WDFY4: variants seen among roughly 807,000 people sequenced by gnomAD.
The protein encoded by WDFY4 is WDFY family member 4.
A neutral mutation model predicts 351.9 loss-of-function variants in WDFY4; 169 were observed. The ratio of observed to expected loss-of-function variants is 0.48; its 90% CI spans 0.42 to 0.55. WDFY4 has a LOEUF of 0.55. Among genes scored for constraint, WDFY4 ranks in the 20% least tolerant of loss-of-function variants. The pLI, the probability that WDFY4 is intolerant of heterozygous loss-of-function variation, is 0.00. For missense variants in WDFY4, 3,803 were observed against 3,935.6 expected (o/e 0.97, Z 0.90); for synonymous variants, 1,622 against 1,574.6 (o/e 1.03, Z -0.71).
chr10:48,857,846 G>A (rs1260638181), intron 39 of WDFY4, among the ~76,000 whole-genome samples: 2 of 151,890 alleles, frequency 1.3e-5, no homozygotes, highest in African/African-American at 4.8e-5. Context: ...AGGCTGGAGT[G>A]CAACGGTGCA....
intron 19 of WDFY4, among the ~76,000 whole-genome samples, chr10:48,781,490 T>C (rs947736595): frequency 4.6e-5 from 7 of 152,040 alleles, no homozygotes; most frequent in Non-Finnish European, 1.0e-4. Context: ...GAGACGGGGT[T>C]TCACCAGGCT....
rs566333746 is a variant in WDFY4 at position 48,901,449 on chromosome 10, A to G, written c.7524-352A>G. On this transcript the variant is annotated intron_variant, in intron 46 of 61. Transcript: ENST00000325239. ...ACCCACTCGGCTCAAGGAGCCTGGC[A>G]TTAAGATGGCATTTGTCCTCACAGC... Among the ~76,000 whole-genome samples, 159 of 152,388 alleles carry G rather than the reference A, an allele frequency of 1.0e-3. 1 individual carries two copies. Among genetic ancestry groups the G allele is most frequent in the Non-Finnish European group, 1.8e-3 (120 of 68,038 alleles).
At chr10:48,880,288 G>T (rs919622804) in intron 43 of WDFY4, among the ~76,000 whole-genome samples, 1 of 152,210 alleles carries the variant, frequency 6.6e-6, no homozygotes, top group African/African-American at 2.4e-5. Context: ...GTCTCTGAGA[G>T]TCTTGTTTTT....
chr10:48,927,725 A>G (rs906048134), intron 47 of WDFY4, among the ~76,000 whole-genome samples: 2 of 152,232 alleles, frequency 1.3e-5, no homozygotes, highest in African/African-American at 4.8e-5. Context: ...GCGGATAATA[A>G]GAATTCAACT....
rs181932178 is a variant in WDFY4, at chr10:48,694,565, T to C, written c.-18+9564T>C. 1.5e-3 allele frequency among the ~76,000 whole-genome samples: 231 copies of C among 152,256 alleles called. 1 individual carries two copies. The highest frequency in any genetic ancestry group is 5.2e-3 in the African/African-American group (217 of 41,552). Reference sequence around the variant, plus strand: ...GGCAGAATTACCAGTGACAGGCAGCTGCCAGCTGCTCCTGTCACTCTCTGC... The same window carrying C: ...GGCAGAATTACCAGTGACAGGCAGCCGCCAGCTGCTCCTGTCACTCTCTGC... On this transcript the variant is annotated intron_variant, in intron 1 of 61. Transcript: ENST00000325239.
At chr10:48,880,000 C>A (rs2070182409) in intron 43 of WDFY4, among the ~76,000 whole-genome samples, 1 of 152,192 alleles carries the variant, frequency 6.6e-6, no homozygotes, top group Non-Finnish European at 1.5e-5. Context: ...TGATTCGTAA[C>A]CTTGATTTTA....
intron 38 of WDFY4, among the ~76,000 whole-genome samples, chr10:48,831,870 C>A (rs1234743364): frequency 1.3e-5 from 2 of 152,082 alleles, no homozygotes; most frequent in Non-Finnish European, 2.9e-5. Flanking sequence ...CTGGGATGGC[C>A]CCCTTCAGCT....
At chr10:48,970,073 C>A (rs1484316736) in intron 56 of WDFY4, 58 bp from the exon 57 acceptor site, 2 of 1,530,210 alleles carry the variant, frequency 1.3e-6, no homozygotes, top group South Asian at 1.2e-5. Context: ...GTGACTCTAT[C>A]CTGGGCTCCT....
intron 11 of WDFY4, among the ~76,000 whole-genome samples, chr10:48,736,853 G>A (rs1241280025): frequency 6.6e-6 from 1 of 152,206 alleles, no homozygotes; most frequent in Non-Finnish European, 1.5e-5. Context: ...AGAAGCAAAA[G>A]GCAGTCAGAG....
intron 47 of WDFY4, among the ~76,000 whole-genome samples, chr10:48,903,444 A>G (rs1000264505): frequency 6.6e-6 from 1 of 152,224 alleles, no homozygotes; most frequent in Non-Finnish European, 1.5e-5. Flanking sequence ...AGGCTGTTGC[A>G]GTAATCCAGG....
intron 1 of WDFY4, among the ~76,000 whole-genome samples, chr10:48,695,918 G>T (rs2063320381): frequency 6.6e-6 from 1 of 152,152 alleles, no homozygotes; most frequent in South Asian, 2.1e-4. Context: ...TTCCGTTGCT[G>T]TTGCAAAAAC....
intron 24 of WDFY4, among the ~76,000 whole-genome samples, chr10:48,802,334 C>A (rs1490126563): frequency 6.6e-6 from 1 of 152,176 alleles, no homozygotes; most frequent in Non-Finnish European, 1.5e-5. Flanking sequence ...CATATTTGGG[C>A]CACTGCGCTC....
At chr10:48,722,063 A>G (rs1465648297) in intron 4 of WDFY4, among the ~76,000 whole-genome samples, 1 of 152,162 alleles carries the variant, frequency 6.6e-6, no homozygotes, top group Non-Finnish European at 1.5e-5. Context: ...TCTACCTGCT[A>G]GCCAGTTCCA....
intron 6 of WDFY4, among the ~76,000 whole-genome samples, chr10:48,727,206 C>T (rs2064298460): frequency 1.3e-5 from 2 of 152,208 alleles, no homozygotes; most frequent in South Asian, 2.1e-4. Flanking sequence ...ACCTGGACTC[C>T]CCCTTCTTGC....
At chr10:48,863,030 A>C (rs1027843091) in intron 39 of WDFY4, among the ~76,000 whole-genome samples, 2 of 152,208 alleles carry the variant, frequency 1.3e-5, no homozygotes, top group African/African-American at 2.4e-5. Flanking sequence ...GTGTCAATAC[A>C]TCATTCTTTT....
chr10:48,913,977 T>A (rs200705098), intron 47 of WDFY4: 1 of 1,614,164 alleles, frequency 6.2e-7, no homozygotes, highest in Admixed American at 1.7e-5. Context: ...CCTGATAAGA[T>A]TCCGGCTAAG....
intron 47 of WDFY4, among the ~76,000 whole-genome samples, chr10:48,934,383 A>C (rs956047253): frequency 1.3e-5 from 2 of 152,218 alleles, no homozygotes; most frequent in Non-Finnish European, 2.9e-5. Flanking sequence ...ACTGCCTGAC[A>C]TGTCGATTTT....
At chr10:48,720,188 C>A in intron 3 of WDFY4, 63 bp downstream of exon 3, 1 of 1,455,156 alleles carries the variant, frequency 6.9e-7, no homozygotes, top group South Asian at 1.2e-5. Context: ...CATGCCCTCC[C>A]AGGCCTCTCA....
At chr10:48,749,707 T>C (rs1251826591) in intron 12 of WDFY4, among the ~76,000 whole-genome samples, 1 of 152,092 alleles carries the variant, frequency 6.6e-6, no homozygotes, top group South Asian at 2.1e-4. Context: ...CTATAGGCAA[T>C]GTGGAGCTAG....
Sources: gnomAD v4.1 joint callset for allele counts (sites outside exome capture counted in the v4.1 genomes callset) on GRCh38, gnomAD v4.1.1 for gene constraint, MANE v1.5 for transcripts, NCBI Gene and HGNC (gene_info 2026-07-23, HGNC 2026-07-21) for gene names.